FAM193B: variants seen among roughly 807,000 people sequenced by gnomAD.
The protein encoded by FAM193B is protein FAM193B.
Under a neutral mutation model 70.7 loss-of-function variants are expected in FAM193B, and 27 were observed. The observed-to-expected ratio is 0.38, with a 90% confidence interval of 0.28 to 0.53. The LOEUF (loss-of-function observed/expected upper bound fraction) is 0.53, where lower values mean the gene tolerates loss of function less well. Among genes scored for constraint, FAM193B ranks in the 20% least tolerant of loss-of-function variants. FAM193B has a pLI of 0.81. For synonymous variants in FAM193B, 448 were observed against 436.0 expected (o/e 1.03, Z -0.34); for missense variants, 1,022 against 1,072.5 (o/e 0.95, Z 0.66).
At chr5:177,529,902 C>T (rs984551182) in intron 5 of FAM193B, among the ~76,000 whole-genome samples, 3 of 152,138 alleles carry the variant, frequency 2.0e-5, no homozygotes, top group South Asian at 4.2e-4. Context: ...CAGAAGGCAG[C>T]GGTGGGACCC....
chr5:177,549,293 C>T (rs1561789055), intron 1 of FAM193B, among the ~76,000 whole-genome samples: 1 of 151,136 alleles, frequency 6.6e-6, no homozygotes, highest in South Asian at 2.1e-4. Context: ...CCCAGGTTCA[C>T]GCCATTCTCC....
In FAM193B at chr5:177,532,251, G is replaced by C; in HGVS notation, c.1275+192C>G. The C allele has an allele frequency of 6.7e-7, 1 of 1,490,832 alleles. No homozygotes were observed. Among genetic ancestry groups the C allele is most frequent in the East Asian group, 2.5e-5 (1 of 40,394 alleles). The allele number at this position is 1,490,832 out of a possible 1,614,324, so 92.4% of individuals were successfully genotyped here. ...AGAAACCATGAGAAGAGCAAAGGTA[G>C]CAAAATGTTTAAAAACCCCTACCTC... On this transcript the variant is annotated intron_variant, in intron 5 of 8. Transcript: ENST00000514747. This position sits in a 1 kb window ranked among gnomAD's most constrained non-coding sequence, Gnocchi z 4.9.
At chr5:177,545,275 C>T (rs977358589) in intron 1 of FAM193B, among the ~76,000 whole-genome samples, 65 of 152,214 alleles carry the variant, frequency 4.3e-4, no homozygotes, top group African/African-American at 1.4e-3. Flanking sequence ...AACTCCTGAC[C>T]TCAAGTGATC....
chr5:177,543,188 C>T lies in FAM193B; in HGVS notation c.211-4041G>A, dbSNP rs1043373270. ...ACACAAAATAAATGAGATTAGCCATCACTAGAAGTGACTTTACAGGATAGG... is the reference window on the plus strand; with the variant it reads ...ACACAAAATAAATGAGATTAGCCATTACTAGAAGTGACTTTACAGGATAGG... On this transcript the variant is annotated intron_variant, in intron 1 of 8. Transcript: ENST00000514747. Among the ~76,000 whole-genome samples, 3 of 152,148 alleles carry T rather than the reference C, an allele frequency of 2.0e-5. No homozygotes were observed. The East Asian group carries it at 5.8e-4, about 29-fold the overall frequency.
At chr5:177,545,338 C>A (rs1765285813) in intron 1 of FAM193B, among the ~76,000 whole-genome samples, 2 of 152,318 alleles carry the variant, frequency 1.3e-5, no homozygotes, top group African/African-American at 4.8e-5. Flanking sequence ...GCCACCACAC[C>A]TGGCCATTCT....
At chr5:177,545,594 G>A (rs1419953061) in intron 1 of FAM193B, among the ~76,000 whole-genome samples, 8 of 151,556 alleles carry the variant, frequency 5.3e-5, no homozygotes, top group Admixed American at 2.0e-4. Flanking sequence ...CCAAGTGACG[G>A]AGGTTGCAGT....
intron 1 of FAM193B, 175 bp downstream of exon 1, chr5:177,554,074 G>A: frequency 7.3e-7 from 1 of 1,372,584 alleles, no homozygotes; most frequent in Non-Finnish European, 9.4e-7. Flanking sequence ...GCTTTGGGGA[G>A]AGGGGTCCAG....
chr5:177,527,957 C>T lies in FAM193B; in HGVS notation c.1276-2752G>A, dbSNP rs866085474. On this transcript the variant is annotated intron_variant, in intron 5 of 8. Transcript: ENST00000514747. ...GGAGGTGTCCAGTAGCAGTTGGAGA[C>T]GTGGATGTACAGGGTGGGGAGGAAA... 2.6e-5 allele frequency among the ~76,000 whole-genome samples: 4 copies of T among 152,276 alleles called. No homozygotes were observed. The Middle Eastern group carries it at 0.01, about 388-fold the overall frequency.
In FAM193B at chr5:177,523,959, C is replaced by T. The variant is rs777784106; in HGVS notation, c.2370G>A (p.Lys790=). Reference sequence around the variant, plus strand: ...GAGAGCAGGCAGCCCACACCTACCTCTTAAAGTACTCCACCTCTCGGTCAG... The same window carrying T: ...GAGAGCAGGCAGCCCACACCTACCTTTTAAAGTACTCCACCTCTCGGTCAG... ...DETDREVEYF[K]RFCLDSAKQT... is the part of the protein sequence containing the mutation. The change falls in exon 7 of 9, where the codon AAG becomes AAA. Residue 790 remains lysine (K), a splice_region_variant and synonymous_variant. Transcript: ENST00000514747. The T allele has an allele frequency of 1.2e-5, 20 of 1,614,076 alleles. No individual in the cohort carries two copies. Among genetic ancestry groups the T allele is most frequent in the Non-Finnish European group, 1.6e-5 (19 of 1,179,896 alleles).
At chr5:177,528,057 G>A (rs998987291) in intron 5 of FAM193B, among the ~76,000 whole-genome samples, 1 of 152,142 alleles carries the variant, frequency 6.6e-6, no homozygotes, top group Admixed American at 6.5e-5. Context: ...AGTGGAGGAC[G>A]AGGAGCTCAC....
rs1171131889 is a variant in FAM193B at position 177,524,529 on chromosome 5, G to A, written c.1952C>T (p.Pro651Leu). Residue 651 changes from proline (P) to leucine (L), a missense_variant, in exon 6 of 9, where the codon CCA (proline) becomes CTA (leucine). Physicochemically the swap from Pro to Leu is moderately conservative, Grantham distance 98 (BLOSUM62 -3). Transcript: ENST00000514747. Reference sequence around the variant, plus strand: ...TAGGCTGGCTGGGGGCCGGGGGGCTGGGCTTGCCTCGCTCTTCTTGGCCTG... The same window carrying A: ...TAGGCTGGCTGGGGGCCGGGGGGCTAGGCTTGCCTCGCTCTTCTTGGCCTG... ...GSQAKKSEAS[P>L]APRPPASLEV... 2 of 1,612,292 alleles carry A rather than the reference G, an allele frequency of 1.2e-6. No individual in the cohort carries two copies. The highest frequency in any genetic ancestry group is 4.5e-5 in the East Asian group (2 of 44,874).
At chr5:177,523,259 CA>C in intron 7 of FAM193B, 1 of 371,508 alleles carries the variant, frequency 2.7e-6, no homozygotes, top group Non-Finnish European at 5.7e-6. Flanking sequence ...CTCGGCCTCC[CA>C]AAGTGCTAGG....
At chr5:177,521,716 T>C (rs337386) in intron 8 of FAM193B, among the ~76,000 whole-genome samples, 62,010 of 152,132 alleles carry the variant, frequency 0.41, 13,165 homozygotes, top group South Asian at 0.47. Flanking sequence ...AAGGGGACCT[T>C]CAGGAGCATG....
Position 177,524,813 on chromosome 5 carries a change from TGGTGGGG to T in FAM193B, c.1661_1667del (p.Ala554AspfsTer5). On this transcript the variant is annotated frameshift_variant, in exon 6 of 9. Transcript: ENST00000514747. LOFTEE classifies it high-confidence loss of function. The stretch of plus-strand genomic sequence containing the variant: ...GGTGGGGGCCTCTCATTTCTGCCCA[TGGTGGGG>T]CTGGCTCGCCTGGAGCTTGTAACGT... 6.6e-7 allele frequency: 1 copy of T among 1,511,746 alleles called. No homozygotes were observed. The highest frequency in any genetic ancestry group is 1.3e-5 in the South Asian group (1 of 74,222). 93.6% of individuals were successfully genotyped at this position (1,511,746 alleles called of 1,614,324 possible).
chr5:177,549,254 G>C (rs1438441314), intron 1 of FAM193B, among the ~76,000 whole-genome samples: 1 of 147,896 alleles, frequency 6.8e-6, no homozygotes, highest in Non-Finnish European at 1.5e-5. Context: ...GTGCAGTGGC[G>C]CGATCTTGGC....
At position 177,538,859 on chromosome 5, in the gene FAM193B, G is replaced by T; in HGVS notation, c.453+46C>A. 1 of 1,606,490 alleles carries T rather than the reference G, an allele frequency of 6.2e-7. No homozygotes were observed. The highest frequency in any genetic ancestry group is 8.5e-7 in the Non-Finnish European group (1 of 1,175,194). ...ACAGGGAACAGCCTGACTTCCTTGG[G>T]GAGGAGCCCTCCTGCATTCAGGGAC... On this transcript the variant is annotated intron_variant, in intron 2 of 8. Transcript: ENST00000514747. This position sits in a 1 kb window ranked among gnomAD's most constrained non-coding sequence, Gnocchi z 4.1.
At chr5:177,531,536 G>GGGT in intron 5 of FAM193B, 1 of 1,047,040 alleles carries the variant, frequency 9.6e-7, no homozygotes, top group Non-Finnish European at 1.3e-6. Flanking sequence ...GGGTGGGGGG[G>GGGT]AGGTGCTGAC....
At chr5:177,553,916 G>A in intron 1 of FAM193B, 5 of 1,218,782 alleles carry the variant, frequency 4.1e-6, no homozygotes, top group South Asian at 1.5e-5. Flanking sequence ...CCCGGGGGAG[G>A]TGGCGGGCCG....
At position 177,536,721 on chromosome 5, in the gene FAM193B, T is replaced by C. The variant is rs771077742; in HGVS notation, c.713A>G (p.His238Arg). The change falls in exon 4 of 9, where the codon CAC (histidine) becomes CGC (arginine). Residue 238 changes from histidine to arginine, a missense_variant. Coordinates refer to ENST00000514747, the MANE Select transcript of FAM193B (RefSeq NM_001190946.3). ...AGCAGTGAGGTCTGAGTGCTGGTGG[T>C]GCTCCGAGACGGGGAAAGCCTCACC... ...IPGEAFPVSE[H>R]HQHSDLTAPP... is the part of the protein sequence containing the mutation. 7 of 1,559,244 alleles carry C rather than the reference T, an allele frequency of 4.5e-6. No homozygotes were observed. Among genetic ancestry groups the C allele is most frequent in the South Asian group, 1.2e-5 (1 of 84,550 alleles).
Sources: allele counts gnomAD v4.1 joint callset (sites outside exome capture counted in the v4.1 genomes callset), GRCh38; gene constraint gnomAD v4.1.1; non-coding constraint Gnocchi (gnomAD v3.1); transcripts MANE v1.5; gene names NCBI Gene and HGNC (gene_info 2026-07-23, HGNC 2026-07-21).